Variants in SPATA16 observed in about 807,000 individuals in gnomAD.
The protein encoded by SPATA16 is spermatogenesis associated 16, also known as spermatogenesis-associated protein 16.
A neutral mutation model predicts 63.3 loss-of-function variants in SPATA16; 36 were observed. The ratio of observed to expected loss-of-function variants is 0.57; its 90% CI spans 0.44 to 0.75. SPATA16 has a LOEUF of 0.75. SPATA16 is among the 30% of genes least tolerant of loss of function. The pLI, the probability that SPATA16 is intolerant of heterozygous loss-of-function variation, is 0.00. For synonymous variants in SPATA16, 203 were observed against 216.7 expected (o/e 0.94, Z 0.56); for missense variants, 646 against 679.3 (o/e 0.95, Z 0.54).
intron 4 of SPATA16, among the ~76,000 whole-genome samples, chr3:172,986,476 G>T (rs556583122): frequency 6.6e-6 from 1 of 152,156 alleles, no homozygotes; most frequent in Non-Finnish European, 1.5e-5. Context: ...TACTAATGCA[G>T]CTGAGAGGGT....
chr3:172,959,787 C>CATATATATATATATATATATATAT (rs66806016), intron 5 of SPATA16, among the ~76,000 whole-genome samples: 71 of 135,472 alleles, frequency 5.2e-4, no homozygotes, highest in African/African-American at 1.7e-3. Flanking sequence ...AGTAATATAA[C>CATATATATATATATATATATATAT]ATATATATAT....
At chr3:172,987,645 C>G (rs1734486887) in intron 4 of SPATA16, among the ~76,000 whole-genome samples, 1 of 152,150 alleles carries the variant, frequency 6.6e-6, no homozygotes, top group East Asian at 1.9e-4. Flanking sequence ...GGGACAAAAG[C>G]TAGAGGAGAG....
intron 1 of SPATA16, among the ~76,000 whole-genome samples, chr3:173,132,404 G>A (rs934549661): frequency 3.3e-5 from 5 of 152,124 alleles, no homozygotes; most frequent in Non-Finnish European, 7.4e-5. Flanking sequence ...AAGCAAAAGA[G>A]AATTCCAGGA....
At chr3:173,040,553 G>A (rs1189341347) in intron 3 of SPATA16, among the ~76,000 whole-genome samples, 1 of 152,176 alleles carries the variant, frequency 6.6e-6, no homozygotes, top group Non-Finnish European at 1.5e-5. Flanking sequence ...AGTGAGTGAA[G>A]TGGTAGCTGA....
chr3:172,891,004 A>G (rs1291693355), intron 10 of SPATA16, among the ~76,000 whole-genome samples: 1 of 150,220 alleles, frequency 6.7e-6, no homozygotes, highest in African/African-American at 2.4e-5. Context: ...ACACGCACAC[A>G]CATACACATA....
chr3:172,977,075 A>G (rs1734178859), intron 4 of SPATA16, 23 bp from the exon 5 acceptor site: 1 of 1,593,398 alleles, frequency 6.3e-7, no homozygotes, highest in South Asian at 1.1e-5. Context: ...ACAGATTAAA[A>G]AAAAAACAAA....
chr3:172,922,655 T>C (rs1472856580), intron 8 of SPATA16, among the ~76,000 whole-genome samples: 1 of 152,200 alleles, frequency 6.6e-6, no homozygotes, highest in Admixed American at 6.5e-5. Context: ...GCATGGTAGC[T>C]TATGCCTGTA....
chr3:173,080,546 C>T (rs1452038479), intron 2 of SPATA16, among the ~76,000 whole-genome samples: 1 of 152,066 alleles, frequency 6.6e-6, no homozygotes, highest in African/African-American at 2.4e-5. Context: ...GAAAGTGAGG[C>T]CCAGTGGAGC....
chr3:173,056,438 C>G (rs1736224212), intron 2 of SPATA16, among the ~76,000 whole-genome samples: 12 of 152,114 alleles, frequency 7.9e-5, no homozygotes, highest in Admixed American at 7.9e-4. Context: ...CGCAGTGGCT[C>G]ACGCCTGTAA....
chr3:172,968,074 C>T (rs1733959877), intron 5 of SPATA16, among the ~76,000 whole-genome samples: 1 of 152,192 alleles, frequency 6.6e-6, no homozygotes, highest in South Asian at 2.1e-4. Flanking sequence ...TTAACTATTC[C>T]TGGACTCAAA....
chr3:173,123,417 C>A (rs1357925950), intron 1 of SPATA16, among the ~76,000 whole-genome samples: 1 of 152,042 alleles, frequency 6.6e-6, no homozygotes, highest in Non-Finnish European at 1.5e-5. Flanking sequence ...CTGCATTGCA[C>A]CCCAAGTTGA....
chr3:172,978,232 A>T (rs1331435022), intron 4 of SPATA16, among the ~76,000 whole-genome samples: 4 of 152,022 alleles, frequency 2.6e-5, no homozygotes, highest in African/African-American at 9.7e-5. Flanking sequence ...AAATGACAGT[A>T]ATTTAAGAAT....
intron 3 of SPATA16, among the ~76,000 whole-genome samples, chr3:173,028,070 CCTTCCTTTCT>C (rs1735508571): frequency 9.9e-6 from 1 of 101,488 alleles, no homozygotes; most frequent in Non-Finnish European, 1.9e-5. Flanking sequence ...TTCCTTCCTT[CCTTCCTTTCT>C]CTCTCTCTCT....
intron 1 of SPATA16, among the ~76,000 whole-genome samples, chr3:173,137,771 G>A (rs1430316396): frequency 6.7e-6 from 1 of 150,110 alleles, no homozygotes; most frequent in East Asian, 2.0e-4. Flanking sequence ...AGCCTTCTGT[G>A]TGTTTATTCC....
intron 3 of SPATA16, among the ~76,000 whole-genome samples, chr3:173,027,053 C>T (rs1005081417): frequency 1.3e-5 from 2 of 151,802 alleles, no homozygotes; most frequent in Non-Finnish European, 2.9e-5. Context: ...AAATATAGCA[C>T]TTTTCTCCAT....
At chr3:172,931,102 G>C (rs1038732366) in intron 6 of SPATA16, among the ~76,000 whole-genome samples, 1 of 152,202 alleles carries the variant, frequency 6.6e-6, no homozygotes, top group Non-Finnish European at 1.5e-5. Context: ...GGGATTACAG[G>C]CGTGAGCCAC....
At chr3:173,103,999 A>C (rs1391218393) in intron 2 of SPATA16, among the ~76,000 whole-genome samples, 1 of 152,218 alleles carries the variant, frequency 6.6e-6, no homozygotes, top group African/African-American at 2.4e-5. Context: ...TTTGCTGCTT[A>C]GAAATTTCTT....
At chr3:172,983,843 TA>T (rs1734378754) in intron 4 of SPATA16, among the ~76,000 whole-genome samples, 1 of 152,106 alleles carries the variant, frequency 6.6e-6, no homozygotes, top group East Asian at 1.9e-4. Context: ...TCCAAAAACG[TA>T]AAGGAAAATT....
intron 5 of SPATA16, among the ~76,000 whole-genome samples, chr3:172,959,125 G>A (rs1442822677): frequency 2.0e-5 from 3 of 152,130 alleles, no homozygotes; most frequent in Non-Finnish European, 2.9e-5. Context: ...TTTGCTTCCA[G>A]AAAGATATTA....
Sources: gnomAD v4.1 joint callset for allele counts (sites outside exome capture counted in the v4.1 genomes callset) on GRCh38, gnomAD v4.1.1 for gene constraint, MANE v1.5 for transcripts, NCBI Gene and HGNC (gene_info 2026-07-23, HGNC 2026-07-21) for gene names.